ZC3H13: variants seen among roughly 807,000 people sequenced by gnomAD.
ZC3H13 encodes zinc finger CCCH-type containing 13.
Under a neutral mutation model 204.1 loss-of-function variants are expected in ZC3H13, and 64 were observed. The ratio of observed to expected loss-of-function variants is 0.31; its 90% CI spans 0.26 to 0.39. The LOEUF is 0.39. ZC3H13 is among the 10% of genes least tolerant of loss of function. The pLI is 1.00. For synonymous variants in ZC3H13, 667 were observed against 693.7 expected (o/e 0.96, Z 0.60); for missense variants, 1,833 against 2,082.7 (o/e 0.88, Z 2.33).
intron 10 of ZC3H13, among the ~76,000 whole-genome samples, chr13:45,980,872 T>A (rs1262389864): frequency 6.6e-6 from 1 of 152,136 alleles, no homozygotes; most frequent in Non-Finnish European, 1.5e-5. Flanking sequence ...AAAAGCTACA[T>A]ACAGACATAC....
Position 45,975,831 on chromosome 13 carries a change from T to A in ZC3H13, c.1920A>T (p.Arg640Ser), listed in dbSNP as rs762476965. ...CCTGATGTCGAATTGGTGAGCTTGG[T>A]CTTTGATCTACAATGAAAATCAAGT... Reference protein sequence around the residue: ...DRRDNRERDQRPSSPIRHQGR... With the variant: ...DRRDNRERDQSPSSPIRHQGR... Residue 640 changes from arginine (R) to serine (S), a missense_variant, in exon 12 of 19, where the codon AGA becomes AGT. Coordinates refer to ENST00000679008, the MANE Select transcript of ZC3H13 (RefSeq NM_001330564.2). The A allele has an allele frequency of 9.9e-6, 16 of 1,608,594 alleles. 1 individual carries two copies. In the South Asian group the frequency reaches 1.8e-4, roughly 18 times the overall value.
At chr13:45,979,343 A>C (rs770343051) in intron 11 of ZC3H13, among the ~76,000 whole-genome samples, 2 of 152,166 alleles carry the variant, frequency 1.3e-5, no homozygotes. Flanking sequence ...GACAGAATAC[A>C]AATAAAATAT....
chr13:46,002,490 C>T (rs897726937), intron 8 of ZC3H13, among the ~76,000 whole-genome samples: 1 of 152,124 alleles, frequency 6.6e-6, no homozygotes, highest in African/African-American at 2.4e-5. Context: ...GCAGCACTAT[C>T]AACAATAGCC....
At chr13:45,978,804 A>G (rs937990322) in intron 11 of ZC3H13, among the ~76,000 whole-genome samples, 2 of 152,072 alleles carry the variant, frequency 1.3e-5, no homozygotes, top group Admixed American at 6.6e-5. Context: ...AATTTCAGAT[A>G]TCAACACAGA....
intron 1 of ZC3H13, among the ~76,000 whole-genome samples, chr13:46,052,146 T>TA (rs1471321909): frequency 6.6e-6 from 1 of 152,094 alleles, no homozygotes; most frequent in Non-Finnish European, 1.5e-5. Flanking sequence ...TTCCCGTGCT[T>TA]ACATCAAATG....
In ZC3H13 at chr13:45,970,474, G is replaced by A; in HGVS notation, c.2469-9C>T. On this transcript the variant is annotated splice_polypyrimidine_tract_variant and intron_variant, in intron 12 of 18. Coordinates refer to ENST00000679008, the MANE Select transcript of ZC3H13 (RefSeq NM_001330564.2). ...CATTTCTATAGCGCTTCCTAAATTG[G>A]ACAAGCAAACACAATTTATAAAATT... 2 of 1,606,854 alleles carry A rather than the reference G, an allele frequency of 1.2e-6. No homozygotes were observed. The highest frequency in any genetic ancestry group is 1.3e-5 in the African/African-American group (1 of 74,588).
intron 16 of ZC3H13, among the ~76,000 whole-genome samples, chr13:45,964,243 C>G (rs1951905752): frequency 6.6e-6 from 1 of 152,104 alleles, no homozygotes; most frequent in Non-Finnish European, 1.5e-5. Context: ...ACCTTCCCAC[C>G]AAAAGAAAAC....
In ZC3H13 at chr13:45,955,485, A is replaced by G. The variant is rs1248992097; in HGVS notation, c.*1642T>C. 1 of 152,220 alleles carries G rather than the reference A, an allele frequency of 6.6e-6. No homozygotes were observed. Among genetic ancestry groups the G allele is most frequent in the Non-Finnish European group, 1.5e-5 (1 of 68,010 alleles). 9.4% of individuals were successfully genotyped at this position (152,220 alleles called of 1,614,324 possible). On this transcript the variant is annotated 3_prime_UTR_variant, in exon 19 of 19. Transcript: ENST00000679008. ...TACATAGTTTTCATTCTATAAATAA[A>G]TAACTTGTGAAATATCCCTGAAGTC...
At chr13:46,020,262 C>T (rs1370956059) in intron 5 of ZC3H13, among the ~76,000 whole-genome samples, 187 bp downstream of exon 5, 2 of 152,158 alleles carry the variant, frequency 1.3e-5, no homozygotes, top group African/African-American at 4.8e-5. Context: ...ATGCAAACCA[C>T]TTTCTCTGCC....
intron 1 of ZC3H13, among the ~76,000 whole-genome samples, chr13:46,051,417 T>C (rs1200745833): frequency 6.6e-6 from 1 of 152,198 alleles, no homozygotes; most frequent in Non-Finnish European, 1.5e-5. Flanking sequence ...GTTGAAACTG[T>C]CATCTGTTAT....
At chr13:46,012,145 C>T (rs781781310) in intron 5 of ZC3H13, among the ~76,000 whole-genome samples, 17 of 152,158 alleles carry the variant, frequency 1.1e-4, no homozygotes, top group Non-Finnish European at 1.9e-4. Context: ...TGTACTATTT[C>T]CTTAGATCAC....
At chr13:46,034,423 T>C (rs747626445) in intron 4 of ZC3H13, among the ~76,000 whole-genome samples, 1 of 152,206 alleles carries the variant, frequency 6.6e-6, no homozygotes, top group African/African-American at 2.4e-5. Flanking sequence ...AATTTTGATA[T>C]ATCCATCTAA....
intron 11 of ZC3H13, among the ~76,000 whole-genome samples, chr13:45,977,300 T>A (rs951411913): frequency 6.6e-6 from 1 of 152,174 alleles, no homozygotes; most frequent in African/African-American, 2.4e-5. Context: ...CATTACAAGA[T>A]AACCTGAAAC....
Position 46,020,540 on chromosome 13 carries a change from C to A in ZC3H13, c.357G>T (p.Gly119=). ...SSPVRKESSR[G]RHREKEDIKI... Reference sequence around the variant, plus strand: ...TTATGTCTTCCTTTTCCCTATGTCTCCCTCTTGAAGATTCTTTCTAAAAAA... The same window carrying A: ...TTATGTCTTCCTTTTCCCTATGTCTACCTCTTGAAGATTCTTTCTAAAAAA... Residue 119 remains glycine (G), a synonymous_variant, in exon 5 of 19, where the codon GGG becomes GGT. Coordinates refer to ENST00000679008, the MANE Select transcript of ZC3H13 (RefSeq NM_001330564.2). 6.2e-7 allele frequency: 1 copy of A among 1,608,294 alleles called. No individual in the cohort carries two copies. Among genetic ancestry groups the A allele is most frequent in the Non-Finnish European group, 8.5e-7 (1 of 1,177,662 alleles).
At chr13:45,959,983 T>C (rs561177715) in intron 17 of ZC3H13, among the ~76,000 whole-genome samples, 61 of 152,176 alleles carry the variant, frequency 4.0e-4, no homozygotes, top group African/African-American at 1.2e-3. Flanking sequence ...ATAAAGTATC[T>C]CTCTGTTGCC....
chr13:45,972,444 G>A (rs530279395), intron 12 of ZC3H13, among the ~76,000 whole-genome samples: 3 of 152,254 alleles, frequency 2.0e-5, no homozygotes, highest in African/African-American at 4.8e-5. Flanking sequence ...GACTCAGAAG[G>A]GGGAGGGTGG....
At chr13:45,962,478 T>C (rs1387701612) in intron 17 of ZC3H13, 1 of 984,132 alleles carries the variant, frequency 1.0e-6, no homozygotes, top group Non-Finnish European at 1.2e-6. Flanking sequence ...CAAATAAAAT[T>C]GAGGCTCACA....
chr13:46,029,696 G>C (rs534614370), intron 4 of ZC3H13, among the ~76,000 whole-genome samples: 47 of 151,804 alleles, frequency 3.1e-4, no homozygotes, highest in African/African-American at 1.1e-3. Flanking sequence ...CCAAAGTGCT[G>C]GGATTACAGG....
chr13:45,965,423 T>A lies in ZC3H13; in HGVS notation c.4331A>T (p.Asp1444Val). 1.2e-6 allele frequency: 2 copies of A among 1,612,792 alleles called. No individual in the cohort carries two copies. Among genetic ancestry groups the A allele is most frequent in the East Asian group, 4.5e-5 (2 of 44,800 alleles). ...ATGTGCATCATCTAACTTGGACTCGTCATCTCCTGCTAAATAGACAAATTA... is the reference window on the plus strand; with the variant it reads ...ATGTGCATCATCTAACTTGGACTCGACATCTCCTGCTAAATAGACAAATTA... ...ERTESLEAGDDESKLDDAHSL... is the reference protein window; with the variant it reads ...ERTESLEAGDVESKLDDAHSL... The change falls in exon 16 of 19, where the codon GAC becomes GTC. Residue 1444 changes from aspartate to valine, a missense_variant. By Grantham distance (152) the Asp-to-Val change is radical (BLOSUM62 -3). Coordinates refer to ENST00000679008, the MANE Select transcript of ZC3H13 (RefSeq NM_001330564.2).
Sources: gnomAD v4.1 joint callset for allele counts (sites outside exome capture counted in the v4.1 genomes callset) on GRCh38, gnomAD v4.1.1 for gene constraint, MANE v1.5 for transcripts, NCBI Gene and HGNC (gene_info 2026-07-23, HGNC 2026-07-21) for gene names.